Variants in CGAS observed in about 807,000 individuals in gnomAD.
CGAS encodes cyclic GMP-AMP synthase, also known as 2'3'-cGAMP synthase.
CGAS carries 31 observed loss-of-function variants against 34.0 expected under a neutral mutation model. The observed-to-expected ratio is 0.91, with a 90% confidence interval of 0.69 to 1.23. The LOEUF is 1.23. CGAS is among the 50% of genes most tolerant of loss of function. CGAS has a pLI of 0.00. For synonymous variants in CGAS, 266 were observed against 260.0 expected (o/e 1.02, Z -0.22); for missense variants, 597 against 657.6 (o/e 0.91, Z 1.01).
intron 2 of CGAS, among the ~76,000 whole-genome samples, chr6:73,441,082 C>CTTTTT (rs570875136): frequency 1.5e-5 from 2 of 136,256 alleles, no homozygotes; most frequent in South Asian, 2.3e-4. Context: ...TTTTCTTTTT[C>CTTTTT]TTTTTTTTTT....
intron 3 of CGAS, among the ~76,000 whole-genome samples, chr6:73,437,963 A>T (rs898832709): frequency 2.0e-5 from 3 of 151,972 alleles, no homozygotes; most frequent in African/African-American, 4.8e-5. Context: ...CAGCTACTCG[A>T]GATGCTGAAG....
intron 1 of CGAS, among the ~76,000 whole-genome samples, chr6:73,449,508 C>CACACACAA (rs569310062): frequency 6.6e-5 from 10 of 150,504 alleles, no homozygotes; most frequent in South Asian, 2.1e-4. Context: ...CACACACACA[C>CACACACAA]AAAGTGGTTC....
chr6:73,425,699 C>A, intron 4 of CGAS, 121 bp from the exon 5 acceptor site: 1 of 643,868 alleles, frequency 1.6e-6, no homozygotes, highest in East Asian at 3.0e-5. Context: ...ATAGGCCGGG[C>A]GTGGTGACAC....
At chr6:73,434,324 T>A (rs1770243533) in intron 3 of CGAS, among the ~76,000 whole-genome samples, 2 of 152,178 alleles carry the variant, frequency 1.3e-5, no homozygotes, top group East Asian at 1.9e-4. Flanking sequence ...CTGGAGCCAA[T>A]CCTGAGGGTC....
intron 1 of CGAS, among the ~76,000 whole-genome samples, chr6:73,450,989 CAA>C (rs386407555): frequency 1.1e-4 from 8 of 75,836 alleles, no homozygotes; most frequent in Non-Finnish European, 1.6e-4. Context: ...GACTCCGCCT[CAA>C]AAAAAAAAAA....
chr6:73,423,818 C>T lies in CGAS; in HGVS notation c.*1409G>A, dbSNP rs1225384626. The T allele has an allele frequency of 1.3e-5, 2 of 151,968 alleles. No individual in the cohort carries two copies. The highest frequency in any genetic ancestry group is 2.4e-5 in the African/African-American group (1 of 41,374). 9.4% of individuals were successfully genotyped at this position (151,968 alleles called of 1,614,324 possible). On this transcript the variant is annotated 3_prime_UTR_variant, in exon 5 of 5. Coordinates refer to ENST00000370315, the MANE Select transcript of CGAS (RefSeq NM_138441.3). ...AACAAAACAATACAAAACAAAAAAA[C>T]CTTGTTTACTAAAAGACACCAAAAA...
chr6:73,428,142 TG>T (rs1770120214), intron 4 of CGAS, among the ~76,000 whole-genome samples: 1 of 151,530 alleles, frequency 6.6e-6, no homozygotes. Flanking sequence ...GATGATTGCT[TG>T]AGCCCAGGAG....
intron 3 of CGAS, 116 bp from the exon 4 acceptor site, chr6:73,428,927 C>T: frequency 1.1e-6 from 1 of 892,818 alleles, no homozygotes; most frequent in Non-Finnish European, 1.7e-6. Context: ...GGGCTCACGC[C>T]TGTAATCTCA....
chr6:73,445,634 C>T lies in CGAS; in HGVS notation c.771G>A (p.Pro257=), dbSNP rs777110749. The T allele has an allele frequency of 8.7e-6, 14 of 1,612,196 alleles. No individual in the cohort carries two copies. Among genetic ancestry groups the T allele is most frequent in the East Asian group, 4.5e-5 (2 of 44,710 alleles). The part of the protein sequence containing the change: ...AYYFVKFKRN[P]KENPLSQFLE... ...AAAACTGACTCAGAGGATTTTCTTTCGGATTTCTTTTAAATTTCACAAAGT... is the reference window on the plus strand; with the variant it reads ...AAAACTGACTCAGAGGATTTTCTTTTGGATTTCTTTTAAATTTCACAAAGT... Residue 257 remains proline, a synonymous_variant, in exon 2 of 5, where the codon CCG becomes CCA. Transcript: ENST00000370315.
In CGAS at chr6:73,445,527, C is replaced by G; in HGVS notation, c.877+1G>C. The G allele has an allele frequency of 3.1e-6, 5 of 1,595,532 alleles. No homozygotes were observed. Among genetic ancestry groups the G allele is most frequent in the Non-Finnish European group, 4.3e-6 (5 of 1,170,806 alleles). The stretch of plus-strand genomic sequence containing the variant: ...TAAGAATCAAAAGGCAAAAGTCTTA[C>G]CTTTAATGTCGTTAATTTCTTCCTT... On this transcript the variant is annotated splice_donor_variant, in intron 2 of 4. Transcript: ENST00000370315. LOFTEE classifies it high-confidence loss of function.
chr6:73,446,159 G>A lies in CGAS; in HGVS notation c.658-412C>T, dbSNP rs541796890. ...GCCTGGTCCAACATGGTGAAACCCC[G>A]TCTCTACTAAAAATACAAAAATTAG... is the stretch of plus-strand genomic sequence containing the variant. On this transcript the variant is annotated intron_variant, in intron 1 of 4. Coordinates refer to ENST00000370315, the MANE Select transcript of CGAS (RefSeq NM_138441.3). Among the ~76,000 whole-genome samples the A allele has an allele frequency of 3.3e-5, 5 of 151,854 alleles. No individual in the cohort carries two copies. The South Asian group carries it at 6.2e-4, about 19-fold the overall frequency.
At chr6:73,451,226 C>T (rs1157740710) in intron 1 of CGAS, among the ~76,000 whole-genome samples, 1 of 152,032 alleles carries the variant, frequency 6.6e-6, no homozygotes, top group Non-Finnish European at 1.5e-5. Context: ...CAAACACTGC[C>T]CTGTTACGGA....
At chr6:73,430,243 G>T (rs968262858) in intron 3 of CGAS, among the ~76,000 whole-genome samples, 1 of 152,122 alleles carries the variant, frequency 6.6e-6, no homozygotes, top group Non-Finnish European at 1.5e-5. Context: ...AGCAAGCACA[G>T]TAAGGGAAGG....
At chr6:73,430,297 T>G (rs1770172515) in intron 3 of CGAS, among the ~76,000 whole-genome samples, 1 of 152,128 alleles carries the variant, frequency 6.6e-6, no homozygotes, top group Admixed American at 6.6e-5. Context: ...AAAGCCATCA[T>G]TATTCATAGG....
intron 4 of CGAS, among the ~76,000 whole-genome samples, chr6:73,427,611 A>G (rs879422291): frequency 1.3e-5 from 2 of 151,604 alleles, no homozygotes; most frequent in Non-Finnish European, 2.9e-5. Flanking sequence ...AATACTGGCC[A>G]ACTTTAGAAA....
chr6:73,427,839 G>T (rs1457672235), intron 4 of CGAS, among the ~76,000 whole-genome samples: 8 of 151,934 alleles, frequency 5.3e-5, no homozygotes, highest in Non-Finnish European at 5.9e-5. Flanking sequence ...TTGAGACAGG[G>T]TGTCACTATG....
Position 73,425,178 on chromosome 6 carries a change from C to T in CGAS, c.*49G>A. ...CCTTTTCAAATTTTTCTTGTATTCT[C>T]CAGGATTTAGGGTGACTCTAGTTCT... On this transcript the variant is annotated 3_prime_UTR_variant, in exon 5 of 5. Transcript: ENST00000370315. The T allele has an allele frequency of 7.2e-7, 1 of 1,379,640 alleles. No individual in the cohort carries two copies. The highest frequency in any genetic ancestry group is 9.8e-7 in the Non-Finnish European group (1 of 1,024,262). 85.5% of individuals were successfully genotyped at this position (1,379,640 alleles called of 1,614,324 possible).
rs926274545 is a variant in CGAS at position 73,451,751 on chromosome 6, G to A, written c.431C>T (p.Pro144Leu). 4 of 1,610,004 alleles carry A rather than the reference G, an allele frequency of 2.5e-6. No homozygotes were observed. The African/African-American group carries it at 4.0e-5, about 16-fold the overall frequency. ...PPPGPWDVPS[P>L]GLPVSAPILV... ...AATGGGGGCCGAGACCGGCAGGCCG[G>A]GGCTGGGCACGTCCCAGGGCCCGGG... is the stretch of plus-strand genomic sequence containing the variant. The change falls in exon 1 of 5, where the codon CCC becomes CTC. Residue 144 changes from proline to leucine, a missense_variant. By Grantham distance (98) the Pro-to-Leu change is moderately conservative. This residue lies in a region of CGAS where 321 missense variants were observed against 314.3 expected (regional missense o/e 1.02). Transcript: ENST00000370315.
chr6:73,449,901 A>T (rs9442911), intron 1 of CGAS, among the ~76,000 whole-genome samples: 29,952 of 151,952 alleles, frequency 0.2, 3,012 homozygotes, highest in Middle Eastern at 0.23. Context: ...AGGCTGAAGC[A>T]GGAGAATCGC....
Sources: gnomAD v4.1 joint callset for allele counts (sites outside exome capture counted in the v4.1 genomes callset) on GRCh38, gnomAD v4.1.1 for gene constraint, gnomAD v4.1.1 regional missense constraint, MANE v1.5 for transcripts, NCBI Gene and HGNC (gene_info 2026-07-23, HGNC 2026-07-21) for gene names.